Variants in TOP3A observed in about 807,000 individuals in gnomAD.
The protein encoded by TOP3A is DNA topoisomerase III alpha.
A neutral mutation model predicts 111.3 loss-of-function variants in TOP3A; 64 were observed. The ratio of observed to expected loss-of-function variants is 0.57; its 90% CI spans 0.47 to 0.71. The LOEUF is 0.71. Among genes scored for constraint, TOP3A ranks in the 30% least tolerant of loss-of-function variants. The probability of loss-of-function intolerance (pLI) is 0.00; values close to 1 mark genes in which losing one functional copy is unlikely to be tolerated. For missense variants in TOP3A, 1,104 were observed against 1,285.0 expected, an observed-to-expected ratio of 0.86 and a Z score of 2.15; for synonymous variants, 484 against 485.1, an observed-to-expected ratio of 1.00 and a Z score of 0.03.
At chr17:18,310,209 G>A (rs1431701381) in intron 1 of TOP3A, among the ~76,000 whole-genome samples, 3 of 151,856 alleles carry the variant, frequency 2.0e-5, no homozygotes, top group Non-Finnish European at 4.4e-5. Flanking sequence ...GGCGGATCAT[G>A]AGGTCAGGAG....
At chr17:18,289,179 A>AT (rs1348501604) in intron 13 of TOP3A, among the ~76,000 whole-genome samples, 1 of 151,946 alleles carries the variant, frequency 6.6e-6, no homozygotes, top group African/African-American at 2.4e-5. Context: ...CGCCTAGCTA[A>AT]TTTTTGTATT....
chr17:18,295,989 G>C (rs898697941), intron 9 of TOP3A, among the ~76,000 whole-genome samples: 3 of 146,302 alleles, frequency 2.1e-5, no homozygotes, highest in Non-Finnish European at 3.0e-5. Flanking sequence ...GGATGGTCTC[G>C]ATCTCCTACC....
At chr17:18,297,866 G>A (rs1438424375) in intron 9 of TOP3A, among the ~76,000 whole-genome samples, 15 of 152,116 alleles carry the variant, frequency 9.9e-5, no homozygotes, top group East Asian at 5.8e-4. Context: ...AGTGAGGAGC[G>A]TCTCTGCCCA....
intron 4 of TOP3A, among the ~76,000 whole-genome samples, chr17:18,305,428 G>A (rs901398639): frequency 2.0e-5 from 3 of 151,758 alleles, no homozygotes; most frequent in African/African-American, 4.8e-5. Context: ...TAGAATAGAG[G>A]GTTTAATATA....
intron 8 of TOP3A, 146 bp downstream of exon 8, chr17:18,301,739 G>A (rs965284517): frequency 4.5e-5 from 28 of 626,046 alleles, no homozygotes; most frequent in Non-Finnish European, 6.5e-5. Context: ...CATGGGGTTC[G>A]TCTTATTGGT....
At chr17:18,292,004 G>A (rs955773710) in intron 11 of TOP3A, among the ~76,000 whole-genome samples, 5 of 152,236 alleles carry the variant, frequency 3.3e-5, no homozygotes, top group Middle Eastern at 3.4e-3. Context: ...AAGCCACCGC[G>A]TCCGGCCATA....
In TOP3A at chr17:18,274,921, T is replaced by C. The variant is rs1377775128; in HGVS notation, c.2887A>G (p.Arg963Gly). The C allele has an allele frequency of 6.2e-7, 1 of 1,614,196 alleles. No homozygotes were observed. The highest frequency in any genetic ancestry group is 1.1e-5 in the South Asian group (1 of 91,072). ...GAACTGGCCCGGGGCCTTTTGCTTC[T>C]GGCTTCCGACTCCAGGGTTCTTCCT... ...DRGRTLESEA[R>G]SKRPRASSSD... Residue 963 changes from arginine to glycine, a missense_variant, in exon 19 of 19, where the codon AGA (arginine) becomes GGA (glycine). By Grantham distance (125) the Arg-to-Gly change is moderately radical. Transcript: ENST00000321105.
chr17:18,302,072 G>C, intron 7 of TOP3A, 87 bp from the exon 8 acceptor site: 1 of 1,436,224 alleles, frequency 7.0e-7, no homozygotes, highest in Non-Finnish European at 9.6e-7. Flanking sequence ...TGTGGTGAAA[G>C]TCAAACGAAT....
chr17:18,314,316 C>T (rs1045961841), intron 1 of TOP3A, among the ~76,000 whole-genome samples: 1 of 152,206 alleles, frequency 6.6e-6, no homozygotes, highest in African/African-American at 2.4e-5. Context: ...GAAGGGCAGC[C>T]AGCGCCCGAG....
At chr17:18,302,124 A>C in intron 7 of TOP3A, 139 bp from the exon 8 acceptor site, 1 of 1,375,400 alleles carries the variant, frequency 7.3e-7, no homozygotes, top group Non-Finnish European at 1.0e-6. Context: ...GGGAACTTTA[A>C]GTGGATTGTA....
chr17:18,298,574 C>T (rs1482573364), intron 9 of TOP3A, among the ~76,000 whole-genome samples: 5 of 151,018 alleles, frequency 3.3e-5, no homozygotes, highest in African/African-American at 7.4e-5. Context: ...TCATTGAGAA[C>T]GGGCCATGAT....
chr17:18,290,855 T>C lies in TOP3A; in HGVS notation c.1454A>G (p.His485Arg). The change falls in exon 12 of 19, where the codon CAC becomes CGC. Residue 485 changes from histidine to arginine, a missense_variant. Physicochemically the swap from His to Arg is conservative, Grantham distance 29. Coordinates refer to ENST00000321105, the MANE Select transcript of TOP3A (RefSeq NM_004618.5). ...RNYLDVYPYDHWSDKILPVYE... is the reference protein window; with the variant it reads ...RNYLDVYPYDRWSDKILPVYE... ...ACTCTTTATTACCTTGTCACTCCAG[T>C]GATCATATGGATACACATCCAGATA... The C allele has an allele frequency of 6.2e-7, 1 of 1,614,122 alleles. No individual in the cohort carries two copies. The highest frequency in any genetic ancestry group is 1.1e-5 in the South Asian group (1 of 91,076).
In TOP3A at chr17:18,302,004, A is replaced by G. The variant is rs573262799; in HGVS notation, c.815-19T>C. The G allele has an allele frequency of 6.2e-7, 1 of 1,602,766 alleles. No individual in the cohort carries two copies. Among genetic ancestry groups the G allele is most frequent in the African/African-American group, 1.3e-5 (1 of 74,818 alleles). On this transcript the variant is annotated intron_variant, in intron 7 of 18. Coordinates refer to ENST00000321105, the MANE Select transcript of TOP3A (RefSeq NM_004618.5). Reference sequence around the variant, plus strand: ...TGAGTTACTATATTAAGGAGAGACAAACAGAAAGGCTGTGTCTCAGAGACA... The same window carrying G: ...TGAGTTACTATATTAAGGAGAGACAGACAGAAAGGCTGTGTCTCAGAGACA...
At chr17:18,288,042 G>A (rs1467881001) in intron 13 of TOP3A, among the ~76,000 whole-genome samples, 1 of 150,424 alleles carries the variant, frequency 6.6e-6, no homozygotes, top group African/African-American at 2.4e-5. Context: ...TGTGGTGATA[G>A]CTGCACAACT....
chr17:18,278,232 G>C lies in TOP3A; in HGVS notation c.2270C>G (p.Pro757Arg). 1 of 1,580,298 alleles carries C rather than the reference G, an allele frequency of 6.3e-7. No homozygotes were observed. Among genetic ancestry groups the C allele is most frequent in the South Asian group, 1.2e-5 (1 of 86,928 alleles). Residue 757 changes from proline (P) to arginine (R), a missense_variant, in exon 18 of 19, where the codon CCC (proline) becomes CGC (arginine). By Grantham distance (103) the Pro-to-Arg change is moderately radical. Coordinates refer to ENST00000321105, the MANE Select transcript of TOP3A (RefSeq NM_004618.5). ...GCGGCCAGAGGGCTGGCTAGCCCTGGGGGGGCCCCCTGAAAATCTCAGGTC... is the reference window on the plus strand; with the variant it reads ...GCGGCCAGAGGGCTGGCTAGCCCTGCGGGGGCCCCCTGAAAATCTCAGGTC... ...ILDLRFSGGP[P>R]RASQPSGRLQ... is the part of the protein sequence containing the mutation.
In TOP3A at chr17:18,274,650, G is replaced by A; in HGVS notation, c.*152C>T. 7.6e-7 allele frequency: 1 copy of A among 1,309,664 alleles called. No homozygotes were observed. Among genetic ancestry groups the A allele is most frequent in the East Asian group, 2.5e-5 (1 of 39,668 alleles). 81.1% of individuals were successfully genotyped at this position (1,309,664 alleles called of 1,614,324 possible). A position where few individuals can be genotyped will look rare whatever the true frequency, so the allele number is the denominator to read the frequency against. On this transcript the variant is annotated 3_prime_UTR_variant, in exon 19 of 19. Transcript: ENST00000321105. Reference sequence around the variant, plus strand: ...CCTGCTCCAGAGTGATCTGGACCTTGTGCCCCTTAACACAAGAAGGCCCGA... The same window carrying A: ...CCTGCTCCAGAGTGATCTGGACCTTATGCCCCTTAACACAAGAAGGCCCGA...
chr17:18,285,057 G>A, intron 15 of TOP3A, 85 bp downstream of exon 15: 4 of 1,497,288 alleles, frequency 2.7e-6, no homozygotes, highest in African/African-American at 1.4e-5. Flanking sequence ...GGGAGGCTGA[G>A]GTGGGAAGAT....
At chr17:18,306,720 C>G in intron 4 of TOP3A, 171 bp downstream of exon 4, 1 of 572,938 alleles carries the variant, frequency 1.7e-6, no homozygotes, top group East Asian at 2.9e-5. Flanking sequence ...ACTTCAGTCC[C>G]TTGGCCACTT....
intron 5 of TOP3A, among the ~76,000 whole-genome samples, chr17:18,304,377 G>A (rs1171373445): frequency 1.3e-5 from 2 of 152,104 alleles, no homozygotes; most frequent in African/African-American, 4.8e-5. Context: ...AAAGAATATA[G>A]GACATATACA....
Sources: gnomAD v4.1 joint callset for allele counts (sites outside exome capture counted in the v4.1 genomes callset) on GRCh38, gnomAD v4.1.1 for gene constraint, MANE v1.5 for transcripts, NCBI Gene and HGNC (gene_info 2026-07-23, HGNC 2026-07-21) for gene names.